The following MYO1H variants were observed in gnomAD, a reference collection of about 807,000 sequenced individuals.
MYO1H encodes myosin IH.
MYO1H carries 118 observed loss-of-function variants against 149.3 expected under a neutral mutation model. The observed-to-expected ratio is 0.79, with a 90% CI of 0.68 to 0.92. The LOEUF (loss-of-function observed/expected upper bound fraction) is 0.92. MYO1H is among the 40% of genes least tolerant of loss of function. MYO1H has a pLI of 0.00. For missense variants in MYO1H, 1,212 were observed against 1,280.7 expected (o/e 0.95, Z 0.82); for synonymous variants, 447 against 465.2 (o/e 0.96, Z 0.50).
At chr12:109,361,596 A>G (rs1240430671) in intron 1 of MYO1H, among the ~76,000 whole-genome samples, 1 of 152,178 alleles carries the variant, frequency 6.6e-6, no homozygotes, top group Non-Finnish European at 1.5e-5. Context: ...ACTTGAGCTC[A>G]GGAGTTCATG....
In MYO1H at chr12:109,443,232, G is replaced by A. The variant is rs1198200459; in HGVS notation, c.2689-282G>A. 1.0e-4 allele frequency among the ~76,000 whole-genome samples: 13 copies of A among 129,860 alleles called. 1 individual carries two copies. The highest frequency in any genetic ancestry group is 1.8e-4 in the Non-Finnish European group (11 of 59,910). The allele number at this position is 129,860 out of a possible 152,430, so 85.2% of individuals were successfully genotyped here. A position where few individuals can be genotyped will look rare whatever the true frequency, so the allele number is the denominator to read the frequency against. ...TGTGTACGTATATGTGTGTGTATAT[G>A]TGTACGTATATGTGTGTGTATATGT... On this transcript the variant is annotated intron_variant, in intron 27 of 31. Coordinates refer to ENST00000310903, the Ensembl canonical transcript of MYO1H.
In MYO1H at chr12:109,426,187, AAATG is replaced by A. The variant is rs1207533274; in HGVS notation, c.1831+138_1831+141del. 5 of 686,878 alleles carry A rather than the reference AAATG, an allele frequency of 7.3e-6. No individual in the cohort carries two copies. The East Asian group carries it at 1.4e-4, about 19-fold the overall frequency. 42.5% of individuals were successfully genotyped at this position (686,878 alleles called of 1,614,324 possible). ...CTGGATGTGAATCATTTTCCTTTCT[AAATG>A]ATAGAAGTTGGCCAGATGTTACAGG... On this transcript the variant is annotated intron_variant, in intron 18 of 31. Transcript: ENST00000310903.
chr12:109,447,119 G>GC (rs1872517307), intron 31 of MYO1H, 40 bp from the exon 32 acceptor site: 1 of 1,580,342 alleles, frequency 6.3e-7, no homozygotes. Context: ...CGCAAAGGGA[G>GC]CGGGGAAGGG....
intron 23 of MYO1H, 35 bp from the exon 24 acceptor site, chr12:109,439,596 G>C (rs761787341): frequency 6.3e-7 from 1 of 1,576,752 alleles, no homozygotes; most frequent in Non-Finnish European, 8.6e-7. Context: ...GTGAAGAAAT[G>C]GTCCAGAAAA....
chr12:109,349,586 G>A (rs1868410687), intron 1 of MYO1H, among the ~76,000 whole-genome samples: 1 of 150,062 alleles, frequency 6.7e-6, no homozygotes, highest in Admixed American at 6.7e-5. Flanking sequence ...ACTTGAGCTA[G>A]GGTGATCAAG....
the MYO1H span, among the ~76,000 whole-genome samples, chr12:109,329,603 A>G: frequency 3.3e-5 from 5 of 152,204 alleles, no homozygotes; most frequent in Non-Finnish European, 5.9e-5. Flanking sequence ...GCTTAAATGC[A>G]GGTGGTTGAA....
intron 1 of MYO1H, among the ~76,000 whole-genome samples, chr12:109,383,475 CAGG>C (rs1453815412): frequency 6.6e-6 from 1 of 152,228 alleles, no homozygotes; most frequent in Non-Finnish European, 1.5e-5. Flanking sequence ...TTTCCCATAA[CAGG>C]AGTTTATTTC....
the MYO1H span, among the ~76,000 whole-genome samples, chr12:109,318,972 G>GTTTTTTTTTTT: frequency 1.1e-3 from 85 of 77,248 alleles, 4 homozygotes; most frequent in East Asian, 0.013. Context: ...TTTTGGTTTT[G>GTTTTTTTTTTT]TTTTTTTTTT....
chr12:109,409,716 T>C, intron 11 of MYO1H, 92 bp downstream of exon 11: 1 of 1,091,254 alleles, frequency 9.2e-7, no homozygotes, highest in South Asian at 1.3e-5. Context: ...ACTAGATTGA[T>C]TTCCCTGTCC....
At chr12:109,394,968 C>A (rs982987798) in intron 3 of MYO1H, among the ~76,000 whole-genome samples, 7 of 152,240 alleles carry the variant, frequency 4.6e-5, no homozygotes, top group Non-Finnish European at 8.8e-5. Flanking sequence ...CAGTGTGTTG[C>A]CCATGCTGGT....
chr12:109,345,063 C>G (rs1021897185), upstream of MYO1H, among the ~76,000 whole-genome samples: 1 of 152,040 alleles, frequency 6.6e-6, no homozygotes, highest in Non-Finnish European at 1.5e-5. Context: ...AGACATTATA[C>G]TTAAAACACA....
intron 5 of MYO1H, among the ~76,000 whole-genome samples, chr12:109,399,788 G>A (rs1870084045): frequency 1.3e-5 from 2 of 151,936 alleles, no homozygotes; most frequent in South Asian, 4.1e-4. Flanking sequence ...AGTGGTGCAT[G>A]CCTATAGTCC....
chr12:109,372,073 G>A (rs1868994435), intron 1 of MYO1H, among the ~76,000 whole-genome samples: 1 of 151,976 alleles, frequency 6.6e-6, no homozygotes, highest in South Asian at 2.1e-4. Flanking sequence ...GCTATAAATT[G>A]TAAATATTTT....
chr12:109,310,863 A>G, the MYO1H span, among the ~76,000 whole-genome samples: 2 of 152,238 alleles, frequency 1.3e-5, no homozygotes, highest in South Asian at 4.1e-4. Context: ...GGTCACAGTC[A>G]TGAAACTTTC....
chr12:109,403,026 C>T (rs899902935), intron 6 of MYO1H, among the ~76,000 whole-genome samples: 2 of 152,168 alleles, frequency 1.3e-5, no homozygotes, highest in African/African-American at 4.8e-5. Context: ...TTCATGATCT[C>T]TCATAACTTT....
chr12:109,430,485 C>T lies in MYO1H; in HGVS notation c.1950-2412C>T, dbSNP rs112000047. On this transcript the variant is annotated intron_variant, in intron 19 of 31. Transcript: ENST00000310903. Reference sequence around the variant, plus strand: ...AGCAGGGCCTGAGGCTGTGCTGTGTCCCCTGGGGGTGGTGGAGACCCTATC... The same window carrying T: ...AGCAGGGCCTGAGGCTGTGCTGTGTTCCCTGGGGGTGGTGGAGACCCTATC... Among the ~76,000 whole-genome samples, 10 of 152,248 alleles carry T rather than the reference C, an allele frequency of 6.6e-5. 1 individual carries two copies. Among genetic ancestry groups the T allele is most frequent in the African/African-American group, 2.4e-4 (10 of 41,544 alleles).
chr12:109,402,722 A>G (rs1159811759), intron 6 of MYO1H, among the ~76,000 whole-genome samples: 1 of 152,178 alleles, frequency 6.6e-6, no homozygotes, highest in African/African-American at 2.4e-5. Flanking sequence ...AATAAATCAA[A>G]TGTGATGTTT....
chr12:109,396,776 A>G (rs562079438), intron 4 of MYO1H, among the ~76,000 whole-genome samples, 194 bp downstream of exon 4: 1 of 133,726 alleles, frequency 7.5e-6, no homozygotes, highest in East Asian at 2.2e-4. Context: ...TGCTTATAGT[A>G]CCTACCTTTT....
intron 14 of MYO1H, among the ~76,000 whole-genome samples, chr12:109,413,954 G>A (rs969795582): frequency 2.0e-5 from 3 of 152,018 alleles, no homozygotes; most frequent in Admixed American, 6.6e-5. Flanking sequence ...CCATTGCAAT[G>A]CAATGCATAC....
Sources: gnomAD v4.1 joint callset for allele counts (sites outside exome capture counted in the v4.1 genomes callset) on GRCh38, gnomAD v4.1.1 for gene constraint, MANE v1.5 for transcripts, NCBI Gene and HGNC (gene_info 2026-07-23, HGNC 2026-07-21) for gene names.